The following EBAG9 variants were observed in gnomAD, a reference collection of about 807,000 sequenced individuals.
EBAG9 encodes estrogen receptor binding site associated antigen 9.
A neutral mutation model predicts 30.9 loss-of-function variants in EBAG9; 16 were observed. The observed-to-expected ratio is 0.52, with a 90% CI of 0.35 to 0.79. The LOEUF (loss-of-function observed/expected upper bound fraction) is 0.79. EBAG9 is among the 30% of genes least tolerant of loss of function. EBAG9 has a pLI of 0.01. For missense variants in EBAG9, 197 were observed against 242.1 expected (o/e 0.81, Z 1.24); for synonymous variants, 93 against 82.8 (o/e 1.12, Z -0.67).
At chr8:109,548,651 C>G (rs1479577077) in intron 1 of EBAG9, among the ~76,000 whole-genome samples, 1 of 152,026 alleles carries the variant, frequency 6.6e-6, no homozygotes, top group African/African-American at 2.4e-5. Context: ...TTAACTGTCT[C>G]AGCAATATTT....
chr8:109,555,436 A>G (rs976469617), intron 4 of EBAG9, among the ~76,000 whole-genome samples: 1 of 152,156 alleles, frequency 6.6e-6, no homozygotes, highest in African/African-American at 2.4e-5. Context: ...TAAGAATTTT[A>G]TATGTTCAAA....
At chr8:109,554,610 G>A (rs1038162981) in intron 3 of EBAG9, 119 bp from the exon 4 acceptor site, 29 of 904,598 alleles carry the variant, frequency 3.2e-5, no homozygotes, top group East Asian at 1.0e-4. Context: ...ATGTTTTCCC[G>A]TGGGTTAAAA....
intron 1 of EBAG9, among the ~76,000 whole-genome samples, chr8:109,546,958 G>A (rs1158363826): frequency 6.6e-6 from 1 of 152,040 alleles, no homozygotes; most frequent in Non-Finnish European, 1.5e-5. Flanking sequence ...CATTTGTGTT[G>A]TTTCCAGTTT....
upstream of EBAG9, chr8:109,539,975 T>C (rs1029244591): frequency 6.6e-6 from 1 of 152,250 alleles, no homozygotes. Context: ...CCTACCCCCA[T>C]CCCGACCCCA....
At position 109,564,698 on chromosome 8, in the gene EBAG9, G is replaced by T; in HGVS notation, c.*139G>T. The T allele has an allele frequency of 8.2e-7, 1 of 1,225,970 alleles. No homozygotes were observed. Among genetic ancestry groups the T allele is most frequent in the South Asian group, 1.7e-5 (1 of 60,018 alleles). The allele number at this position is 1,225,970 out of a possible 1,614,324, so 75.9% of individuals were successfully genotyped here. ...TTGATCAGGCCATCCAGGACACCAC[G>T]ATTCTCCCAAAGTACCTTGAACTCT... is the stretch of plus-strand genomic sequence containing the variant. On this transcript the variant is annotated 3_prime_UTR_variant, in exon 7 of 7. Transcript: ENST00000337573.
intron 1 of EBAG9, among the ~76,000 whole-genome samples, chr8:109,544,023 C>CT (rs202224576): frequency 0.013 from 1,662 of 130,934 alleles, 11 homozygotes; most frequent in South Asian, 0.022. Context: ...CAGCAAGACT[C>CT]TATCTCAATT....
Position 109,550,795 on chromosome 8 carries a change from G to T in EBAG9, c.-15-15G>T, listed in dbSNP as rs1161622858. ...ATCAATTTAATGCATTTTTTGTTTTGTGCCTCTTCCACAGGTTTTGATTCC... is the reference window on the plus strand; with the variant it reads ...ATCAATTTAATGCATTTTTTGTTTTTTGCCTCTTCCACAGGTTTTGATTCC... On this transcript the variant is annotated splice_polypyrimidine_tract_variant and intron_variant, in intron 1 of 6. Coordinates refer to ENST00000337573, the MANE Select transcript of EBAG9 (RefSeq NM_004215.5). 4 of 1,496,026 alleles carry T rather than the reference G, an allele frequency of 2.7e-6. No homozygotes were observed. In the African/African-American group the frequency reaches 4.2e-5, roughly 16 times the overall value. 92.7% of individuals were successfully genotyped at this position (1,496,026 alleles called of 1,614,324 possible).
At chr8:109,563,505 T>G (rs753562213) in intron 6 of EBAG9, 140 of 1,597,092 alleles carry the variant, frequency 8.8e-5, no homozygotes, top group Admixed American at 4.0e-4. Context: ...TGAGTCTGGG[T>G]CAGTGGAGTT....
At chr8:109,546,655 T>C (rs1261336373) in intron 1 of EBAG9, among the ~76,000 whole-genome samples, 1 of 152,212 alleles carries the variant, frequency 6.6e-6, no homozygotes, top group African/African-American at 2.4e-5. Flanking sequence ...GCTTATCAGC[T>C]CTGGTTAGTG....
chr8:109,554,102 A>G (rs1184520810), intron 3 of EBAG9, among the ~76,000 whole-genome samples, 159 bp downstream of exon 3: 5 of 152,130 alleles, frequency 3.3e-5, no homozygotes, highest in Non-Finnish European at 4.4e-5. Context: ...ATTTGGTTCT[A>G]CATTTTATCT....
intron 5 of EBAG9, among the ~76,000 whole-genome samples, chr8:109,558,435 GTTT>G (rs58336245): frequency 3.3e-5 from 5 of 152,140 alleles, no homozygotes; most frequent in African/African-American, 9.6e-5. Context: ...GCATTATAAT[GTTT>G]TTTATTTTAT....
At chr8:109,551,890 T>A (rs1255059458) in intron 2 of EBAG9, among the ~76,000 whole-genome samples, 2 of 152,174 alleles carry the variant, frequency 1.3e-5, no homozygotes, top group African/African-American at 4.8e-5. Flanking sequence ...AATATTACTT[T>A]TTCTTTAAAT....
intron 2 of EBAG9, among the ~76,000 whole-genome samples, chr8:109,551,567 C>A (rs535298244): frequency 6.6e-6 from 1 of 152,272 alleles, no homozygotes; most frequent in African/African-American, 2.4e-5. Context: ...ATAGTGATAG[C>A]ATCTGTTGAA....
chr8:109,545,368 C>A (rs1482032874), intron 1 of EBAG9, among the ~76,000 whole-genome samples: 1 of 146,520 alleles, frequency 6.8e-6, no homozygotes, highest in Non-Finnish European at 1.5e-5. Flanking sequence ...GCCAGTTTTA[C>A]CTTTTTTTTT....
At chr8:109,551,326 T>TA (rs538343066) in intron 2 of EBAG9, among the ~76,000 whole-genome samples, 32 of 147,948 alleles carry the variant, frequency 2.2e-4, no homozygotes, top group South Asian at 4.3e-4. Flanking sequence ...AGAAAAATCC[T>TA]AAAAAAAAAA....
chr8:109,563,677 TA>T, intron 6 of EBAG9: 1 of 879,622 alleles, frequency 1.1e-6, no homozygotes, highest in South Asian at 1.9e-5. Flanking sequence ...GTCGTACAGA[TA>T]TTTCATCAGC....
rs1242927711 is a variant in EBAG9, at chr8:109,563,449, C to T, written c.522-990C>T. 2.5e-6 allele frequency: 4 copies of T among 1,597,766 alleles called. No individual in the cohort carries two copies. In the Admixed American group the frequency reaches 6.7e-5, roughly 27 times the overall value. The stretch of plus-strand genomic sequence containing the variant: ...CTCTCTCCTGTTTCATCATCCCACT[C>T]CTACCTCCACTCCCTACATTAACCA... On this transcript the variant is annotated intron_variant, in intron 6 of 6. Coordinates refer to ENST00000337573, the MANE Select transcript of EBAG9 (RefSeq NM_004215.5).
At chr8:109,562,766 T>C (rs1161767679) in intron 6 of EBAG9, among the ~76,000 whole-genome samples, 2 of 151,804 alleles carry the variant, frequency 1.3e-5, no homozygotes, top group African/African-American at 4.8e-5. Context: ...TTTTTGAGAG[T>C]TTAGAATATT....
intron 1 of EBAG9, among the ~76,000 whole-genome samples, chr8:109,544,068 A>G (rs1193974901): frequency 6.6e-6 from 1 of 151,622 alleles, no homozygotes; most frequent in East Asian, 1.9e-4. Flanking sequence ...GTTATAGTAC[A>G]GGGATGGTGT....
Sources: gnomAD v4.1 joint callset for allele counts (sites outside exome capture counted in the v4.1 genomes callset) on GRCh38, gnomAD v4.1.1 for gene constraint, MANE v1.5 for transcripts, NCBI Gene and HGNC (gene_info 2026-07-23, HGNC 2026-07-21) for gene names.